The following TMEM259 variants were observed in gnomAD, a reference collection of about 807,000 sequenced individuals.
TMEM259 encodes transmembrane protein 259.
TMEM259 carries 26 observed loss-of-function variants against 46.7 expected under a neutral mutation model. The observed-to-expected ratio is 0.56, with a 90% confidence interval of 0.41 to 0.77. The LOEUF (loss-of-function observed/expected upper bound fraction) is 0.77. TMEM259 is among the 30% of genes least tolerant of loss of function. The probability of loss-of-function intolerance (pLI) is 0.00; values close to 1 mark genes in which losing one functional copy is unlikely to be tolerated. For synonymous variants in TMEM259, 494 were observed against 395.1 expected (o/e 1.25, Z -2.97); for missense variants, 930 against 900.5 (o/e 1.03, Z -0.42).
rs769146786 is a variant in TMEM259 at position 1,013,247 on chromosome 19, T to C, written c.601A>G (p.Thr201Ala). The change falls in exon 3 of 11, where the codon ACC becomes GCC. Residue 201 changes from threonine (T) to alanine (A), a missense_variant. Physicochemically the swap from Thr to Ala is moderately conservative, Grantham distance 58 (BLOSUM62 0). Transcript: ENST00000356663. Reference protein sequence around the residue: ...SQEFPFPETPTKVWPQDEYIV... With the variant: ...SQEFPFPETPAKVWPQDEYIV... ...CCTTTGGTGGGTGGCCTACCTTTGG[T>C]GGGCGTCTCGGGGAAGGGGAACTCC... The C allele has an allele frequency of 6.2e-7, 1 of 1,613,548 alleles. No individual in the cohort carries two copies. Among genetic ancestry groups the C allele is most frequent in the Admixed American group, 1.7e-5 (1 of 60,002 alleles).
chr19:1,010,625 C>A lies in TMEM259; in HGVS notation c.1588G>T (p.Val530Leu). The A allele has an allele frequency of 6.5e-7, 1 of 1,546,912 alleles. No individual in the cohort carries two copies. The highest frequency in any genetic ancestry group is 1.4e-5 in the African/African-American group (1 of 73,256). Residue 530 changes from valine to leucine, a missense_variant, in exon 11 of 11, where the codon GTG (valine) becomes TTG (leucine). By Grantham distance (32) the Val-to-Leu change is conservative. Transcript: ENST00000356663. Reference protein sequence around the residue: ...PSSLVAAAASVAAAAGGDLGW... With the variant: ...PSSLVAAAASLAAAAGGDLGW... The stretch of plus-strand genomic sequence containing the variant: ...AGGTCACCACCGGCAGCTGCTGCCA[C>A]TGAGGCTGCCGCGGCCACCAGGGAG...
At chr19:1,015,193 G>A (rs955883206) in intron 1 of TMEM259, among the ~76,000 whole-genome samples, 6 of 152,252 alleles carry the variant, frequency 3.9e-5, no homozygotes, top group African/African-American at 9.6e-5. Flanking sequence ...TGGGCAGAGC[G>A]CCCCACGGCA....
chr19:1,010,480 TG>T lies in TMEM259; in HGVS notation c.1732del (p.His578ThrfsTer24), dbSNP rs1226986734. ...SPLGPAGGLP[H>X]APQDSVPPSD... ...CGGGGGGACACTGTCCTGGGGGGCG[TG>T]GGGGAGGCCCCCAGCAGGGCCCAGC... is the stretch of plus-strand genomic sequence containing the variant. On this transcript the variant is annotated frameshift_variant, in exon 11 of 11. Coordinates refer to ENST00000356663, the MANE Select transcript of TMEM259 (RefSeq NM_001033026.2). LOFTEE classifies it low-confidence loss of function (END_TRUNC). The T allele has an allele frequency of 1.3e-6, 2 of 1,545,542 alleles. No individual in the cohort carries two copies. The highest frequency in any genetic ancestry group is 1.2e-5 in the South Asian group (1 of 83,912).
Position 1,020,412 on chromosome 19 carries a change from G to T in TMEM259, c.225+360C>A, listed in dbSNP as rs2031333294. Among the ~76,000 whole-genome samples, 1 of 152,164 alleles carries T rather than the reference G, an allele frequency of 6.6e-6. No homozygotes were observed. The highest frequency in any genetic ancestry group is 2.4e-5 in the African/African-American group (1 of 41,442). ...GGTGCTACCTCGCAGGCCAGGACCG[G>T]ACTCCAAGCCTGGGTAGGTGGGGAC... On this transcript the variant is annotated intron_variant, in intron 1 of 10. Transcript: ENST00000356663. The surrounding 1 kb of genome is among the most constrained non-coding windows in gnomAD (Gnocchi z 4.0).
Position 1,011,157 on chromosome 19 carries a change from T to C in TMEM259, c.1256A>G (p.His419Arg), listed in dbSNP as rs755111878. Residue 419 changes from histidine (H) to arginine (R), a missense_variant, in exon 10 of 11, where the codon CAC becomes CGC. Physicochemically the swap from His to Arg is conservative, Grantham distance 29. Transcript: ENST00000356663. ...YLYHFAFYAYHYRFNGQYSSL... is the reference protein window; with the variant it reads ...YLYHFAFYAYRYRFNGQYSSL... Reference sequence around the variant, plus strand: ...GCTATACTGCCCATTGAAGCGGTAGTGATAGGCATAGAAGGCGAAGTGGTA... The same window carrying C: ...GCTATACTGCCCATTGAAGCGGTAGCGATAGGCATAGAAGGCGAAGTGGTA... The C allele has an allele frequency of 9.5e-5, 153 of 1,605,202 alleles. No homozygotes were observed. The highest frequency in any genetic ancestry group is 1.3e-4 in the Non-Finnish European group (149 of 1,175,714).
In TMEM259 at chr19:1,020,909, G is replaced by C. The variant is rs766397155; in HGVS notation, c.88C>G (p.Pro30Ala). 1 of 1,282,408 alleles carries C rather than the reference G, an allele frequency of 7.8e-7. No homozygotes were observed. Among genetic ancestry groups the C allele is most frequent in the South Asian group, 3.2e-5 (1 of 30,908 alleles). 79.4% of individuals were successfully genotyped at this position (1,282,408 alleles called of 1,614,324 possible). The change falls in exon 1 of 11, where the codon CCC (proline) becomes GCC (alanine). Residue 30 changes from proline to alanine, a missense_variant. Pro to Ala is a conservative substitution (Grantham distance 27). Coordinates refer to ENST00000356663, the MANE Select transcript of TMEM259 (RefSeq NM_001033026.2). The surrounding 1 kb of genome is among the most constrained non-coding windows in gnomAD (Gnocchi z 4.0). ...ATGAGGGGGTTGGGGTTGAGATTGG[G>C]GGTGCGAGGCCCGCGCGCGGGGGCC... ...GPAPARGPRT[P>A]NLNPNPLINV...
chr19:1,011,844 G>T, intron 6 of TMEM259, 46 bp from the exon 7 acceptor site: 1 of 1,591,760 alleles, frequency 6.3e-7, no homozygotes, highest in Non-Finnish European at 8.6e-7. Context: ...GCGAGGGCCT[G>T]CTTGGCTCCC....
rs1412796708 is a variant in TMEM259, at chr19:1,020,509, A to G, written c.225+263T>C. 6.6e-6 allele frequency among the ~76,000 whole-genome samples: 1 copy of G among 152,004 alleles called. No homozygotes were observed. Among genetic ancestry groups the G allele is most frequent in the East Asian group, 1.9e-4 (1 of 5,154 alleles). On this transcript the variant is annotated intron_variant, in intron 1 of 10. Transcript: ENST00000356663. The surrounding 1 kb of genome is among the most constrained non-coding windows in gnomAD (Gnocchi z 4.0). ...GACAGTGAGGTTTCCAGAGTAGAGA[A>G]CAGCGGCTTCTAGTGCAGCGGGATC...
intron 1 of TMEM259, among the ~76,000 whole-genome samples, chr19:1,016,908 C>T (rs886729060): frequency 6.6e-6 from 1 of 152,162 alleles, no homozygotes; most frequent in African/African-American, 2.4e-5. Context: ...ACAATGTGCA[C>T]ACACTCCAGT....
At position 1,012,064 on chromosome 19, in the gene TMEM259, A is replaced by G; in HGVS notation, c.841+2T>C. The G allele has an allele frequency of 6.2e-7, 1 of 1,611,986 alleles. No homozygotes were observed. The highest frequency in any genetic ancestry group is 8.5e-7 in the Non-Finnish European group (1 of 1,179,482). ...CACCCTCGGCCCCGGGGCATGCCTC[A>G]CCCTTGTTCTCCTCGTTCTCGGCCA... On this transcript the variant is annotated splice_donor_variant, in intron 5 of 10. Transcript: ENST00000356663. LOFTEE classifies it high-confidence loss of function.
chr19:1,018,737 G>T (rs190372038), intron 1 of TMEM259, among the ~76,000 whole-genome samples: 5 of 152,310 alleles, frequency 3.3e-5, no homozygotes, highest in Admixed American at 3.3e-4. Context: ...TGTAATCCCA[G>T]CCTTTTGGGA....
intron 10 of TMEM259, 56 bp from the exon 11 acceptor site, chr19:1,010,951 T>C: frequency 6.4e-7 from 1 of 1,562,670 alleles, no homozygotes; most frequent in Non-Finnish European, 8.6e-7. Flanking sequence ...ACCCAGCCGC[T>C]GCTCCCAGAG....
At position 1,009,825 on chromosome 19, in the gene TMEM259, G is replaced by T. The variant is rs2038836313; in HGVS notation, c.*525C>A. The T allele has an allele frequency of 2.2e-6, 1 of 453,334 alleles. No individual in the cohort carries two copies. The highest frequency in any genetic ancestry group is 2.1e-5 in the African/African-American group (1 of 48,534). The allele number at this position is 453,334 out of a possible 1,614,324, so 28.1% of individuals were successfully genotyped here. ...GCCCTGGCTGCTGCCACTGATGTTG[G>T]CGCCTGCACCCCACGTCCCTATGCC... On this transcript the variant is annotated 3_prime_UTR_variant, in exon 11 of 11. Transcript: ENST00000356663.
intron 1 of TMEM259, among the ~76,000 whole-genome samples, chr19:1,019,121 C>G (rs1437242778): frequency 6.6e-6 from 1 of 152,238 alleles, no homozygotes; most frequent in African/African-American, 2.4e-5. Context: ...AACTCCAGCT[C>G]TGGCCCAGCC....
At chr19:1,016,095 G>T (rs1374862351) in intron 1 of TMEM259, among the ~76,000 whole-genome samples, 6 of 150,254 alleles carry the variant, frequency 4.0e-5, no homozygotes, top group Non-Finnish European at 5.9e-5. Context: ...CGCAGGGGAT[G>T]AAGGCTGGCC....
intron 1 of TMEM259, among the ~76,000 whole-genome samples, chr19:1,016,649 C>T (rs553133681): frequency 1.7e-4 from 26 of 152,334 alleles, no homozygotes; most frequent in African/African-American, 6.3e-4. Flanking sequence ...GGAACTGACA[C>T]AGAGGTCCCG....
chr19:1,009,841 T>G lies in TMEM259; in HGVS notation c.*509A>C. The G allele has an allele frequency of 2.4e-6, 1 of 423,284 alleles. No individual in the cohort carries two copies. Among genetic ancestry groups the G allele is most frequent in the Non-Finnish European group, 4.1e-6 (1 of 241,256 alleles). 26.2% of individuals were successfully genotyped at this position (423,284 alleles called of 1,614,324 possible). On this transcript the variant is annotated 3_prime_UTR_variant, in exon 11 of 11. Transcript: ENST00000356663. ...CTGATGTTGGCGCCTGCACCCCACG[T>G]CCCTATGCCCGAGGCGCAAGCTCTG...
At chr19:1,014,786 C>T (rs539164651) in intron 1 of TMEM259, among the ~76,000 whole-genome samples, 3 of 152,342 alleles carry the variant, frequency 2.0e-5, no homozygotes, top group East Asian at 3.9e-4. Flanking sequence ...CTGCCCCGCA[C>T]CTCCTCAGGG....
chr19:1,019,806 T>G (rs1016577901), intron 1 of TMEM259, among the ~76,000 whole-genome samples: 5 of 152,112 alleles, frequency 3.3e-5, no homozygotes, highest in African/African-American at 4.8e-5. Flanking sequence ...GCGGCGGTGT[T>G]CTGATGCAGA....
Sources: allele counts gnomAD v4.1 joint callset (sites outside exome capture counted in the v4.1 genomes callset), GRCh38; gene constraint gnomAD v4.1.1; non-coding constraint Gnocchi (gnomAD v3.1); transcripts MANE v1.5; gene names NCBI Gene and HGNC (gene_info 2026-07-23, HGNC 2026-07-21).